AOPEP: variants seen among roughly 807,000 people sequenced by gnomAD.
AOPEP encodes aminopeptidase O (putative).
Under a neutral mutation model 98.1 loss-of-function variants are expected in AOPEP, and 77 were observed. The observed-to-expected ratio is 0.78, with a 90% CI of 0.65 to 0.95. The LOEUF (loss-of-function observed/expected upper bound fraction) is 0.95, where lower values mean the gene tolerates loss of function less well. AOPEP is among the 40% of genes least tolerant of loss of function. AOPEP has a pLI of 0.00. For synonymous variants in AOPEP, 346 were observed against 365.3 expected (o/e 0.95, Z 0.60); for missense variants, 1,024 against 1,024.7 (o/e 1.00, Z 0.01).
intron 5 of AOPEP, among the ~76,000 whole-genome samples, chr9:94,897,841 C>CT (rs11396643): frequency 0.88 from 123,034 of 139,628 alleles, 54,621 homozygotes; most frequent in Middle Eastern, 0.94. Context: ...AAAAGTATGC[C>CT]TTTTTTTTTT....
chr9:94,974,027 C>A (rs761627229), intron 10 of AOPEP, among the ~76,000 whole-genome samples: 6 of 152,208 alleles, frequency 3.9e-5, no homozygotes, highest in Admixed American at 6.5e-5. Flanking sequence ...CTCCAAACAG[C>A]AGAACCTGCA....
intron 10 of AOPEP, among the ~76,000 whole-genome samples, chr9:94,973,383 C>T (rs1475038609): frequency 2.0e-5 from 3 of 152,186 alleles, no homozygotes; most frequent in Non-Finnish European, 2.9e-5. Flanking sequence ...TGGGCAACAC[C>T]GTCTTCACAC....
chr9:95,112,088 A>C, the AOPEP span, among the ~76,000 whole-genome samples: 1 of 152,200 alleles, frequency 6.6e-6, no homozygotes, highest in African/African-American at 2.4e-5. Flanking sequence ...GCAACTACGA[A>C]TTTTTAATGA....
At chr9:94,851,773 C>G (rs2043578929) in intron 5 of AOPEP, among the ~76,000 whole-genome samples, 1 of 147,942 alleles carries the variant, frequency 6.8e-6, no homozygotes, top group African/African-American at 2.5e-5. Context: ...GGTAGTCATA[C>G]TAGATACTGC....
In AOPEP at chr9:94,800,937, A is replaced by C. The variant is rs754495802; in HGVS notation, c.1299A>C (p.Ala433=). Residue 433 remains alanine (A), a synonymous_variant, in exon 5 of 17, where the codon GCA becomes GCC. Transcript: ENST00000375315. The part of the protein sequence containing the change: ...CLSAAHSVLG[A]HPFSRLDVLI... ...CAGCAGCACATTCTGTTCTGGGAGC[A>C]CACCCGTTCTCTCGGCTGGATGTTC... 1 of 1,614,094 alleles carries C rather than the reference A, an allele frequency of 6.2e-7. No individual in the cohort carries two copies. The highest frequency in any genetic ancestry group is 2.2e-5 in the East Asian group (1 of 44,864).
At chr9:95,109,580 G>A in the AOPEP span, 1 of 152,146 alleles carries the variant, frequency 6.6e-6, no homozygotes, top group African/African-American at 2.4e-5. Context: ...GCTGCTGGTG[G>A]AAAGGGTGGC....
the AOPEP span, among the ~76,000 whole-genome samples, chr9:95,094,824 C>T: frequency 6.6e-6 from 1 of 152,172 alleles, no homozygotes; most frequent in Non-Finnish European, 1.5e-5. Context: ...CGCCACCATG[C>T]CCAGCTAATT....
At chr9:95,087,408 A>G (rs2070783847), downstream of AOPEP, among the ~76,000 whole-genome samples, 1 of 126,164 alleles carries the variant, frequency 7.9e-6, no homozygotes, top group Non-Finnish European at 1.6e-5. Flanking sequence ...GCTTGAACCC[A>G]GGAGGTGGCA....
At chr9:95,144,795 C>T in the AOPEP span, among the ~76,000 whole-genome samples, 1 of 152,116 alleles carries the variant, frequency 6.6e-6, no homozygotes, top group Non-Finnish European at 1.5e-5. Context: ...AGTGGTGGGG[C>T]CGTGAAGCGT....
At chr9:94,931,383 C>G (rs1283503864) in intron 7 of AOPEP, among the ~76,000 whole-genome samples, 2 of 152,082 alleles carry the variant, frequency 1.3e-5, no homozygotes, top group East Asian at 3.9e-4. Flanking sequence ...AGGCTTATTG[C>G]ACATCAATAA....
intron 13 of AOPEP, among the ~76,000 whole-genome samples, chr9:95,051,089 CT>C (rs34143867): frequency 0.052 from 6,753 of 129,790 alleles, 270 homozygotes; most frequent in African/African-American, 0.13. Flanking sequence ...TTGTGGCTTA[CT>C]TTTTTTTTTT....
chr9:95,057,336 G>T (rs575194751), intron 13 of AOPEP, among the ~76,000 whole-genome samples: 1 of 152,332 alleles, frequency 6.6e-6, no homozygotes, highest in African/African-American at 2.4e-5. Context: ...AGTTTGCTTT[G>T]ATTTCCACGT....
chr9:94,892,758 G>T (rs1312840727), intron 5 of AOPEP, among the ~76,000 whole-genome samples: 3 of 152,124 alleles, frequency 2.0e-5, no homozygotes, highest in Non-Finnish European at 4.4e-5. Context: ...CTGTCACTGA[G>T]CCTGGAGTGT....
chr9:94,842,141 C>T (rs932735387), intron 5 of AOPEP, among the ~76,000 whole-genome samples: 1 of 152,060 alleles, frequency 6.6e-6, no homozygotes, highest in Non-Finnish European at 1.5e-5. Context: ...GTGGGAGGAT[C>T]ACTTGAGGTC....
chr9:95,134,731 G>A, the AOPEP span, among the ~76,000 whole-genome samples: 8 of 152,328 alleles, frequency 5.3e-5, no homozygotes, highest in East Asian at 1.9e-4. Context: ...CAGTGGTGGC[G>A]AGGGCCACTG....
At chr9:94,757,624 T>A (rs1377673588) in intron 1 of AOPEP, among the ~76,000 whole-genome samples, 1 of 152,178 alleles carries the variant, frequency 6.6e-6, no homozygotes, top group African/African-American at 2.4e-5. Context: ...TCTGTTAGAG[T>A]TAGACAATAA....
intron 11 of AOPEP, among the ~76,000 whole-genome samples, chr9:94,991,688 T>A (rs1436871007): frequency 6.6e-6 from 1 of 152,222 alleles, no homozygotes; most frequent in East Asian, 1.9e-4. Flanking sequence ...TTGTTCCTAT[T>A]CTTTCACAGA....
At chr9:95,033,559 A>G (rs1482208192) in intron 13 of AOPEP, among the ~76,000 whole-genome samples, 1 of 152,220 alleles carries the variant, frequency 6.6e-6, no homozygotes, top group Non-Finnish European at 1.5e-5. Context: ...TTCCATTTCT[A>G]AAGAAGCTAC....
intron 4 of AOPEP, among the ~76,000 whole-genome samples, chr9:94,793,506 A>G (rs1386856780): frequency 5.9e-5 from 9 of 151,944 alleles, no homozygotes; most frequent in Non-Finnish European, 1.2e-4. Flanking sequence ...GTGAAACCCC[A>G]TCTCTACTAA....
Sources: allele counts gnomAD v4.1 joint callset (sites outside exome capture counted in the v4.1 genomes callset), GRCh38; gene constraint gnomAD v4.1.1; transcripts MANE v1.5; gene names NCBI Gene and HGNC (gene_info 2026-07-23, HGNC 2026-07-21).